The following KCND2 variants were observed in gnomAD, a reference collection of about 807,000 sequenced individuals.
The protein encoded by KCND2 is potassium voltage-gated channel subfamily D member 2.
In KCND2, 16 loss-of-function variants were observed where a neutral mutation model predicts 54.4. That is an observed-to-expected ratio of 0.29 (90% CI 0.20 to 0.45). KCND2 has a LOEUF of 0.45. KCND2 is among the 20% of genes least tolerant of loss of function. The pLI is 1.00. For synonymous variants in KCND2, 317 were observed against 310.7 expected (o/e 1.02, Z -0.21); for missense variants, 486 against 824.2 (o/e 0.59, Z 5.02).
At chr7:120,585,552 A>G (rs1792587151) in intron 1 of KCND2, among the ~76,000 whole-genome samples, 1 of 152,168 alleles carries the variant, frequency 6.6e-6, no homozygotes, top group African/African-American at 2.4e-5. Context: ...GGTAGATAAA[A>G]AGAGCATCAG....
In KCND2 at chr7:120,399,355, AAGAGAAAAAAACAT is replaced by A. The variant is rs564006753; in HGVS notation, c.1115+123623_1115+123636del. Among the ~76,000 whole-genome samples, 379 of 151,986 alleles carry A rather than the reference AAGAGAAAAAAACAT, an allele frequency of 2.5e-3. 3 individuals are homozygous for A. The highest frequency in any genetic ancestry group is 4.5e-3 in the Non-Finnish European group (304 of 67,956). ...TGTATTCATGGTTCTTACATTACAT[AAGAGAAAAAAACAT>A]AGAGAAAAAAACATTAGAGGAAAAA... On this transcript the variant is annotated intron_variant, in intron 1 of 5. Coordinates refer to ENST00000331113, the MANE Select transcript of KCND2 (RefSeq NM_012281.3).
intron 1 of KCND2, among the ~76,000 whole-genome samples, chr7:120,480,293 T>TA (rs1802589478): frequency 6.6e-6 from 1 of 152,104 alleles, no homozygotes; most frequent in Non-Finnish European, 1.5e-5. Context: ...ATAGAGGAAA[T>TA]ATGTAAGCCA....
intron 1 of KCND2, among the ~76,000 whole-genome samples, chr7:120,539,464 A>T (rs1584819296): frequency 6.6e-6 from 1 of 152,158 alleles, no homozygotes; most frequent in African/African-American, 2.4e-5. Flanking sequence ...GCCTGCCAGA[A>T]CAGTGCTCAC....
At chr7:120,419,412 G>A (rs1480661101) in intron 1 of KCND2, among the ~76,000 whole-genome samples, 1 of 152,136 alleles carries the variant, frequency 6.6e-6, no homozygotes, top group Non-Finnish European at 1.5e-5. Context: ...TGAAATCTAA[G>A]TATATTTAGA....
intron 1 of KCND2, among the ~76,000 whole-genome samples, chr7:120,298,995 C>A (rs1437325648): frequency 6.6e-6 from 1 of 152,078 alleles, no homozygotes; most frequent in East Asian, 1.9e-4. Flanking sequence ...CCCGTCTCTA[C>A]TAAAAGTACA....
chr7:120,716,241 C>G (rs902679703), intron 1 of KCND2, among the ~76,000 whole-genome samples: 11 of 151,686 alleles, frequency 7.3e-5, no homozygotes, highest in Non-Finnish European at 1.3e-4. Context: ...TATGTATAAG[C>G]AGTAAATCAA....
At chr7:120,383,841 T>C (rs1800950089) in intron 1 of KCND2, among the ~76,000 whole-genome samples, 1 of 152,102 alleles carries the variant, frequency 6.6e-6, no homozygotes, top group African/African-American at 2.4e-5. Context: ...ACAGTGCACC[T>C]TATAATCATT....
At chr7:120,667,404 G>T (rs1357738022) in intron 1 of KCND2, among the ~76,000 whole-genome samples, 1 of 151,942 alleles carries the variant, frequency 6.6e-6, no homozygotes, top group Non-Finnish European at 1.5e-5. Flanking sequence ...AAGGTTTGGG[G>T]TATCCTGTTG....
chr7:120,644,275 C>A (rs1367214061), intron 1 of KCND2, among the ~76,000 whole-genome samples: 3 of 152,160 alleles, frequency 2.0e-5, no homozygotes, highest in Admixed American at 2.0e-4. Flanking sequence ...GTTTTCAACT[C>A]TCCTGGAAAA....
intron 1 of KCND2, among the ~76,000 whole-genome samples, chr7:120,688,988 A>C (rs2023972): frequency 0.28 from 42,767 of 151,940 alleles, 6,559 homozygotes; most frequent in East Asian, 0.45. Flanking sequence ...GATTCAAAAG[A>C]AGACTCCACA....
intron 1 of KCND2, among the ~76,000 whole-genome samples, chr7:120,452,794 C>T (rs1489203446): frequency 6.6e-6 from 1 of 152,146 alleles, no homozygotes; most frequent in African/African-American, 2.4e-5. Context: ...CAGTGATACC[C>T]ATCGCCCAAG....
At chr7:120,455,688 A>G (rs146878332) in intron 1 of KCND2, among the ~76,000 whole-genome samples, 198 of 152,266 alleles carry the variant, frequency 1.3e-3, no homozygotes, top group Middle Eastern at 3.4e-3. Context: ...TTGCAGCAAC[A>G]TGGATGGAGT....
At chr7:120,338,463 T>G (rs1367107958) in intron 1 of KCND2, among the ~76,000 whole-genome samples, 2 of 152,130 alleles carry the variant, frequency 1.3e-5, no homozygotes, top group Admixed American at 1.3e-4. Flanking sequence ...ATTCTTCAAC[T>G]ATTTAATGTG....
At chr7:120,720,575 G>A (rs994989585) in intron 1 of KCND2, among the ~76,000 whole-genome samples, 1 of 152,138 alleles carries the variant, frequency 6.6e-6, no homozygotes, top group South Asian at 2.1e-4. Context: ...AGAGGGGCTG[G>A]GGAAGGAGCC....
intron 1 of KCND2, among the ~76,000 whole-genome samples, chr7:120,328,756 T>C (rs1304496086): frequency 1.3e-5 from 2 of 152,160 alleles, no homozygotes; most frequent in South Asian, 4.1e-4. Context: ...TCTGAGCTCA[T>C]GTATAAGAAA....
At chr7:120,581,320 G>C (rs1792512822) in intron 1 of KCND2, among the ~76,000 whole-genome samples, 1 of 152,182 alleles carries the variant, frequency 6.6e-6, no homozygotes, top group South Asian at 2.1e-4. Flanking sequence ...TTTAGTATCT[G>C]AGTTTGATGG....
At chr7:120,451,636 G>A (rs924258139) in intron 1 of KCND2, among the ~76,000 whole-genome samples, 1 of 152,134 alleles carries the variant, frequency 6.6e-6, no homozygotes, top group Admixed American at 6.5e-5. Flanking sequence ...GTGACGTAAG[G>A]TTTATAAATA....
At chr7:120,411,304 T>G (rs1801446222) in intron 1 of KCND2, among the ~76,000 whole-genome samples, 1 of 151,964 alleles carries the variant, frequency 6.6e-6, no homozygotes, top group Non-Finnish European at 1.5e-5. Context: ...AATGTCATTT[T>G]TTTTTTCATT....
chr7:120,402,958 A>C (rs1352157494), intron 1 of KCND2, among the ~76,000 whole-genome samples: 1 of 152,178 alleles, frequency 6.6e-6, no homozygotes, highest in African/African-American at 2.4e-5. Flanking sequence ...CTGGTATGTA[A>C]TAAGTAAACT....
Sources: gnomAD v4.1 joint callset for allele counts (sites outside exome capture counted in the v4.1 genomes callset) on GRCh38, gnomAD v4.1.1 for gene constraint, MANE v1.5 for transcripts, NCBI Gene and HGNC (gene_info 2026-07-23, HGNC 2026-07-21) for gene names.